SERINC5: variants seen among roughly 807,000 people sequenced by gnomAD.
SERINC5 encodes serine incorporator 5.
In SERINC5, 41 loss-of-function variants were observed where a neutral mutation model predicts 63.1. The ratio of observed to expected loss-of-function variants is 0.65; its 90% CI spans 0.51 to 0.84. SERINC5 has a LOEUF of 0.84. Among genes scored for constraint, SERINC5 ranks in the 40% least tolerant of loss-of-function variants. The pLI is 0.00. For missense variants in SERINC5, 523 were observed against 573.0 expected, an observed-to-expected ratio of 0.91 and a Z score of 0.89; for synonymous variants, 222 against 215.2, an observed-to-expected ratio of 1.03 and a Z score of -0.28.
chr5:80,246,529 A>C (rs142892556), intron 1 of SERINC5, among the ~76,000 whole-genome samples: 3 of 152,308 alleles, frequency 2.0e-5, no homozygotes, highest in African/African-American at 7.2e-5. Context: ...TATATACTGT[A>C]ACCTTACTTC....
Position 80,169,370 on chromosome 5 carries a change from A to G in SERINC5, c.728T>C (p.Ile243Thr). 2 of 1,614,052 alleles carry G rather than the reference A, an allele frequency of 1.2e-6. No homozygotes were observed. Among genetic ancestry groups the G allele is most frequent in the Non-Finnish European group, 1.7e-6 (2 of 1,179,874 alleles). Residue 243 changes from isoleucine to threonine, a missense_variant, in exon 6 of 12, where the codon ATA becomes ACA. Ile to Thr is a moderately conservative substitution (Grantham distance 89). Transcript: ENST00000507668. The stretch of plus-strand genomic sequence containing the variant: ...CCAGGGTGAGATGGCTACCAATGAT[A>G]TAAGCAGGCACAGGCCTCCATTTAC... ...LGVNGGLCLL[I>T]SLVAISPWVQ... is the part of the protein sequence containing the mutation.
At chr5:80,128,514 G>A (rs1390671304) in intron 11 of SERINC5, 1 of 152,172 alleles carries the variant, frequency 6.6e-6, no homozygotes, top group African/African-American at 2.4e-5. Flanking sequence ...CATATGGAAA[G>A]GAAAGATTGA....
intron 6 of SERINC5, among the ~76,000 whole-genome samples, chr5:80,168,340 G>T (rs1421763592): frequency 6.6e-6 from 1 of 152,028 alleles, no homozygotes; most frequent in East Asian, 1.9e-4. Context: ...GGGAATACAG[G>T]CGTGTCCCAC....
At position 80,156,469 on chromosome 5, in the gene SERINC5, C is replaced by T. The variant is rs1344949240; in HGVS notation, c.986+2367G>A. ...CAGCAAACATCAATCACATGGACCCCGGGGGAACTAACTCCTAGGGGGCCC... is the reference window on the plus strand; with the variant it reads ...CAGCAAACATCAATCACATGGACCCTGGGGGAACTAACTCCTAGGGGGCCC... On this transcript the variant is annotated intron_variant, in intron 8 of 11. Coordinates refer to ENST00000507668, the MANE Select transcript of SERINC5 (RefSeq NM_001174072.3). 2.0e-5 allele frequency among the ~76,000 whole-genome samples: 3 copies of T among 152,166 alleles called. No individual in the cohort carries two copies. The East Asian group carries it at 5.8e-4, about 29-fold the overall frequency.
chr5:80,192,405 GTGAATCAAAC>G (rs1456395062), intron 2 of SERINC5, among the ~76,000 whole-genome samples: 5 of 151,544 alleles, frequency 3.3e-5, no homozygotes, highest in Admixed American at 1.3e-4. Flanking sequence ...TGGGCCTTAA[GTGAATCAAAC>G]TGTGTATCTC....
intron 1 of SERINC5, 89 bp from the exon 2 acceptor site, chr5:80,203,142 T>C (rs571860999): frequency 6.5e-5 from 84 of 1,289,448 alleles, no homozygotes; most frequent in Non-Finnish European, 8.5e-5. Flanking sequence ...ACATCTGGAG[T>C]CCCTGCTACT....
intron 1 of SERINC5, among the ~76,000 whole-genome samples, chr5:80,248,554 A>G (rs1454215128): frequency 6.6e-6 from 1 of 152,264 alleles, no homozygotes; most frequent in Non-Finnish European, 1.5e-5. Flanking sequence ...CAGGTAACTG[A>G]AACCACAGAA....
intron 1 of SERINC5, among the ~76,000 whole-genome samples, chr5:80,239,300 T>A (rs1336428221): frequency 6.6e-6 from 1 of 152,166 alleles, no homozygotes; most frequent in Admixed American, 6.6e-5. Context: ...CTTCCCACAA[T>A]GGTTCTAATT....
chr5:80,173,659 C>T lies in SERINC5; in HGVS notation c.551+1295G>A, dbSNP rs1173908433. Among the ~76,000 whole-genome samples the T allele has an allele frequency of 2.6e-5, 4 of 152,124 alleles. No homozygotes were observed. The East Asian group carries it at 7.7e-4, about 29-fold the overall frequency. ...TGGTCACTCTGGAAGCTTCTTGCTG[C>T]TCTCCCCTCCCCCACCCACCTCCAC... On this transcript the variant is annotated intron_variant, in intron 5 of 11. Coordinates refer to ENST00000507668, the MANE Select transcript of SERINC5 (RefSeq NM_001174072.3).
chr5:80,177,862 C>T (rs373629467), intron 3 of SERINC5, 24 bp downstream of exon 3: 26 of 1,574,780 alleles, frequency 1.7e-5, no homozygotes, highest in Middle Eastern at 3.4e-4. Context: ...AGAAAGCAAT[C>T]CCCAAGAAGA....
chr5:80,202,468 A>G (rs1580161704), intron 2 of SERINC5, among the ~76,000 whole-genome samples: 1 of 152,014 alleles, frequency 6.6e-6, no homozygotes. Context: ...TGGGGCTGGG[A>G]AGGGGGTGGA....
intron 1 of SERINC5, among the ~76,000 whole-genome samples, chr5:80,224,469 C>T (rs765815889): frequency 6.6e-6 from 1 of 151,972 alleles, no homozygotes; most frequent in Admixed American, 6.6e-5. Flanking sequence ...AGAGCAAGAC[C>T]CTGTCTCAAA....
At chr5:80,159,153 C>A (rs1041071397) in intron 7 of SERINC5, among the ~76,000 whole-genome samples, 191 bp from the exon 8 acceptor site, 1 of 152,210 alleles carries the variant, frequency 6.6e-6, no homozygotes, top group Non-Finnish European at 1.5e-5. Flanking sequence ...AAAGAACATT[C>A]TCCCACATCA....
At chr5:80,178,847 ATG>A (rs779412161) in intron 2 of SERINC5, among the ~76,000 whole-genome samples, 21 of 152,158 alleles carry the variant, frequency 1.4e-4, no homozygotes, top group Non-Finnish European at 2.4e-4. Flanking sequence ...ACATACATAA[ATG>A]TGTGTGTATA....
chr5:80,184,190 C>A (rs139525744), intron 2 of SERINC5, among the ~76,000 whole-genome samples: 3 of 152,284 alleles, frequency 2.0e-5, no homozygotes, highest in Admixed American at 2.0e-4. Context: ...TAGGCTGTTT[C>A]ATTTACACAG....
intron 5 of SERINC5, among the ~76,000 whole-genome samples, chr5:80,174,369 AAAT>A (rs55865818): frequency 0.21 from 27,950 of 131,554 alleles, 3,392 homozygotes; most frequent in Non-Finnish European, 0.27. Flanking sequence ...CCCATCTCAA[AAAT>A]AATAATAATA....
intron 2 of SERINC5, among the ~76,000 whole-genome samples, chr5:80,197,794 G>T (rs766281410): frequency 1.3e-5 from 2 of 152,176 alleles, no homozygotes; most frequent in Non-Finnish European, 2.9e-5. Flanking sequence ...TGGGTTGGGA[G>T]GCTTTACTTT....
chr5:80,169,803 C>T (rs539267824), intron 5 of SERINC5, among the ~76,000 whole-genome samples: 34 of 152,234 alleles, frequency 2.2e-4, no homozygotes, highest in African/African-American at 6.5e-4. Flanking sequence ...CCACTTTCTG[C>T]GACAAATGTA....
intron 12 of SERINC5, chr5:80,111,774 A>C (rs1744119907): frequency 6.6e-6 from 1 of 152,264 alleles, no homozygotes; most frequent in African/African-American, 2.4e-5. Context: ...AGGAAGACTT[A>C]AGAAACTCCA....
Sources: gnomAD v4.1 joint callset for allele counts (sites outside exome capture counted in the v4.1 genomes callset) on GRCh38, gnomAD v4.1.1 for gene constraint, MANE v1.5 for transcripts, NCBI Gene and HGNC (gene_info 2026-07-23, HGNC 2026-07-21) for gene names.